The following ANAPC4 variants were observed in gnomAD, a reference collection of about 807,000 sequenced individuals.
ANAPC4 encodes anaphase promoting complex subunit 4, also known as anaphase-promoting complex subunit 4.
In ANAPC4, 63 loss-of-function variants were observed where a neutral mutation model predicts 119.8. The ratio of observed to expected loss-of-function variants is 0.53; its 90% confidence interval spans 0.43 to 0.65. The LOEUF (loss-of-function observed/expected upper bound fraction) is 0.65. Among genes scored for constraint, ANAPC4 ranks in the 30% least tolerant of loss-of-function variants. ANAPC4 has a pLI of 0.00. For missense variants in ANAPC4, 716 were observed against 945.1 expected, an observed-to-expected ratio of 0.76 and a Z score of 3.18; for synonymous variants, 283 against 318.6, an observed-to-expected ratio of 0.89 and a Z score of 1.19.
intron 10 of ANAPC4, among the ~76,000 whole-genome samples, chr4:25,393,582 A>G (rs1722472820): frequency 6.6e-6 from 1 of 152,136 alleles, no homozygotes; most frequent in Non-Finnish European, 1.5e-5. Flanking sequence ...GAATCGCTTG[A>G]ACCTGGGAGG....
At chr4:25,414,797 T>C (rs1294521876) in intron 25 of ANAPC4, 97 bp downstream of exon 25, 6 of 1,155,198 alleles carry the variant, frequency 5.2e-6, no homozygotes, top group Non-Finnish European at 6.9e-6. Flanking sequence ...TTTAAACTAC[T>C]TTGTGACTTT....
chr4:25,388,670 T>C, intron 5 of ANAPC4, 47 bp from the exon 6 acceptor site: 3 of 1,571,098 alleles, frequency 1.9e-6, no homozygotes, highest in Non-Finnish European at 2.6e-6. Context: ...TTAAAATATG[T>C]ATTTTTACTA....
intron 4 of ANAPC4, among the ~76,000 whole-genome samples, 187 bp downstream of exon 4, chr4:25,383,580 C>T (rs1721868583): frequency 6.6e-6 from 1 of 151,584 alleles, no homozygotes; most frequent in African/African-American, 2.4e-5. Context: ...CATCTATAGG[C>T]ATACCTCAGA....
intron 26 of ANAPC4, 138 bp from the exon 27 acceptor site, chr4:25,416,287 A>G (rs776316379): frequency 2.1e-6 from 1 of 469,526 alleles, no homozygotes; most frequent in Non-Finnish European, 3.7e-6. Flanking sequence ...CAAACCAATG[A>G]TATATTTTAA....
Position 25,414,603 on chromosome 4 carries a change from A to G in ANAPC4, c.1729A>G (p.Asn577Asp). ...RRLFKFPFLW[N>D]NKTSNLHYLL... ...TATGACAATTTTTTTTCTTAGGTGG[A>G]ATAATAAAACTTCAAATCTACATTA... The change falls in exon 25 of 29, where the codon AAT (asparagine) becomes GAT (aspartate). Residue 577 changes from asparagine to aspartate, a missense_variant. Asn to Asp is a conservative substitution (Grantham distance 23, BLOSUM62 1). Transcript: ENST00000315368. 1 of 1,553,056 alleles carries G rather than the reference A, an allele frequency of 6.4e-7. No individual in the cohort carries two copies.
At chr4:25,393,676 A>G in intron 10 of ANAPC4, 129 bp from the exon 11 acceptor site, 1 of 547,926 alleles carries the variant, frequency 1.8e-6, no homozygotes, top group South Asian at 2.8e-5. Context: ...AATAAATAAT[A>G]AAAATAAAAC....
At chr4:25,399,122 T>C (rs1237151763) in intron 16 of ANAPC4, among the ~76,000 whole-genome samples, 4 of 152,034 alleles carry the variant, frequency 2.6e-5, no homozygotes, top group Non-Finnish European at 4.4e-5. Flanking sequence ...TTCTGAAACA[T>C]GTGAGAGTAT....
intron 9 of ANAPC4, among the ~76,000 whole-genome samples, chr4:25,392,038 T>G (rs1722375181): frequency 6.6e-6 from 1 of 151,230 alleles, no homozygotes; most frequent in South Asian, 2.1e-4. Context: ...TATACTTCCT[T>G]TAAGTTTTTA....
rs74442974 is a variant in ANAPC4, at chr4:25,388,957, A to G, written c.515+75A>G. ...TGAGGCAGTTTTCAGAAGCTTTAAG[A>G]GCAAATCCTTTATTTGCCATTTTAT... On this transcript the variant is annotated intron_variant, in intron 7 of 28. Coordinates refer to ENST00000315368, the MANE Select transcript of ANAPC4 (RefSeq NM_013367.3). 583 of 1,235,028 alleles carry G rather than the reference A, an allele frequency of 4.7e-4. 5 individuals are homozygous for G. In the African/African-American group the frequency reaches 8.3e-3, roughly 18 times the overall value. 76.5% of individuals were successfully genotyped at this position (1,235,028 alleles called of 1,614,324 possible).
chr4:25,391,464 C>G (rs1470044905), intron 9 of ANAPC4, among the ~76,000 whole-genome samples: 2 of 152,202 alleles, frequency 1.3e-5, no homozygotes, highest in African/African-American at 2.4e-5. Flanking sequence ...ACAAATACTT[C>G]AGAACTTGCT....
intron 21 of ANAPC4, among the ~76,000 whole-genome samples, chr4:25,411,188 G>A (rs1196247236): frequency 2.0e-5 from 3 of 152,134 alleles, no homozygotes; most frequent in Admixed American, 6.6e-5. Flanking sequence ...TACAGGAGAC[G>A]CTACTTATTT....
intron 16 of ANAPC4, among the ~76,000 whole-genome samples, chr4:25,398,968 C>T (rs1722804487): frequency 6.6e-6 from 1 of 150,814 alleles, no homozygotes; most frequent in Non-Finnish European, 1.5e-5. Context: ...TTGGTTTGGA[C>T]ATACTAGATT....
intron 14 of ANAPC4, 97 bp from the exon 15 acceptor site, chr4:25,396,567 C>T (rs1158588174): frequency 1.0e-5 from 9 of 892,242 alleles, no homozygotes; most frequent in Non-Finnish European, 1.4e-5. Context: ...ATGAAAGTTA[C>T]TTTCAGTTTT....
In ANAPC4 at chr4:25,418,253, T is replaced by C. The variant is rs1723989966; in HGVS notation, c.2298T>C (p.Asn766=). 1 of 1,613,956 alleles carries C rather than the reference T, an allele frequency of 6.2e-7. No individual in the cohort carries two copies. The highest frequency in any genetic ancestry group is 1.7e-5 in the Admixed American group (1 of 59,994). ...CAGATGAAGAGGAGGAGGCCAGTAA[T>C]AAGCCTGTAAAAATAAAGGAAGAAG... ...ESSDEEEEAS[N]KPVKIKEEVL... The change falls in exon 29 of 29, where the codon AAT becomes AAC. Residue 766 remains asparagine (N), a synonymous_variant. Coordinates refer to ENST00000315368, the MANE Select transcript of ANAPC4 (RefSeq NM_013367.3).
chr4:25,400,775 G>A (rs1722919939), intron 16 of ANAPC4, among the ~76,000 whole-genome samples: 1 of 152,206 alleles, frequency 6.6e-6, no homozygotes, highest in African/African-American at 2.4e-5. Flanking sequence ...AGGACATGTA[G>A]GGGCTGAGAG....
chr4:25,381,095 T>C (rs1365989198), intron 3 of ANAPC4, among the ~76,000 whole-genome samples: 2 of 152,200 alleles, frequency 1.3e-5, no homozygotes, highest in Non-Finnish European at 2.9e-5. Context: ...ATCAGCACAG[T>C]AAAATGCTGT....
At chr4:25,384,308 G>C (rs543066393) in intron 4 of ANAPC4, among the ~76,000 whole-genome samples, 1 of 152,260 alleles carries the variant, frequency 6.6e-6, no homozygotes, top group South Asian at 2.1e-4. Context: ...ACTTCCTCCA[G>C]TGAAGTGTTG....
rs199602455 is a variant in ANAPC4, at chr4:25,377,410, C to G, written c.-10-8C>G. On this transcript the variant is annotated splice_polypyrimidine_tract_variant and splice_region_variant and intron_variant, in intron 1 of 28. Coordinates refer to ENST00000315368, the MANE Select transcript of ANAPC4 (RefSeq NM_013367.3). ...TCCTGCCGGCCTCTGACTGGGGTGT[C>G]GTTGCAGGGCCGTCCCCATGTTGCG... 3.1e-6 allele frequency: 5 copies of G among 1,612,876 alleles called. No individual in the cohort carries two copies. The highest frequency in any genetic ancestry group is 1.7e-5 in the Admixed American group (1 of 59,986).
chr4:25,386,809 GAT>G lies in ANAPC4; in HGVS notation c.369-1688_369-1687del, dbSNP rs1722062129. 2.6e-5 allele frequency among the ~76,000 whole-genome samples: 4 copies of G among 152,126 alleles called. No homozygotes were observed. The South Asian group carries it at 8.3e-4, about 32-fold the overall frequency. On this transcript the variant is annotated intron_variant, in intron 4 of 28. Transcript: ENST00000315368. ...GATGAAGGGAAGCACAATTGAAGGA[GAT>G]ATGCCTGTATTTTCTTGTTGAAGCA...
Sources: allele counts gnomAD v4.1 joint callset (sites outside exome capture counted in the v4.1 genomes callset), GRCh38; gene constraint gnomAD v4.1.1; transcripts MANE v1.5; gene names NCBI Gene and HGNC (gene_info 2026-07-23, HGNC 2026-07-21).